Variants in PPIC observed in about 807,000 individuals in gnomAD.
PPIC encodes peptidylprolyl isomerase C, also known as peptidyl-prolyl cis-trans isomerase C.
In PPIC, 19 loss-of-function variants were observed where a neutral mutation model predicts 19.5. The observed-to-expected ratio is 0.98, with a 90% confidence interval of 0.68 to 1.43. The LOEUF is 1.43. PPIC is among the 40% of genes most tolerant of loss of function. PPIC has a pLI of 0.00. For synonymous variants in PPIC, 107 were observed against 101.2 expected (o/e 1.06, Z -0.34); for missense variants, 268 against 268.6 (o/e 1.00, Z 0.02).
In PPIC at chr5:123,036,641, CGGCGCTACCGGCACG is replaced by C. The variant is rs527548492; in HGVS notation, c.-31_-17del. 2.4e-4 allele frequency: 379 copies of C among 1,560,990 alleles called. No homozygotes were observed. The highest frequency in any genetic ancestry group is 1.6e-3 in the East Asian group (67 of 42,690). ...CCGGGCCCATGGTGAGCGGTGGCAG[CGGCGCTACCGGCACG>C]GGCGCTACCGGCACGGGCGCGACAC... is the stretch of plus-strand genomic sequence containing the variant. On this transcript the variant is annotated 5_prime_UTR_variant, in exon 1 of 5. Transcript: ENST00000306442. This position sits in a 1 kb window ranked among gnomAD's most constrained non-coding sequence, Gnocchi z 4.5.
intron 3 of PPIC, among the ~76,000 whole-genome samples, chr5:123,026,512 C>T (rs1762856857): frequency 1.3e-5 from 2 of 152,316 alleles, no homozygotes; most frequent in South Asian, 4.1e-4. Flanking sequence ...CAATGGGAAA[C>T]AGAGGTTACA....
At position 123,025,789 on chromosome 5, in the gene PPIC, C is replaced by T. The variant is rs1343851714; in HGVS notation, c.505G>A (p.Gly169Arg). Residue 169 changes from glycine (G) to arginine (R), a missense_variant, in exon 4 of 5, where the codon GGG becomes AGG. Gly to Arg is a moderately radical substitution (Grantham distance 125, BLOSUM62 -2). Coordinates refer to ENST00000306442, the MANE Select transcript of PPIC (RefSeq NM_000943.5). ...KHVVFGKVID[G>R]MTVVHSIELQ... ...AAAAAAATGTATCAATTTACCATCCCATCAATGACTTTTCCAAACACCACA... is the reference window on the plus strand; with the variant it reads ...AAAAAAATGTATCAATTTACCATCCTATCAATGACTTTTCCAAACACCACA... 4.3e-6 allele frequency: 7 copies of T among 1,612,076 alleles called. No homozygotes were observed. The Admixed American group carries it at 8.4e-5, about 19-fold the overall frequency.
At chr5:123,027,510 G>A (rs1762878410) in intron 3 of PPIC, among the ~76,000 whole-genome samples, 1 of 152,140 alleles carries the variant, frequency 6.6e-6, no homozygotes, top group African/African-American at 2.4e-5. Context: ...AGCGCTGCAG[G>A]GTTTTCCAAT....
chr5:123,026,024 A>G, intron 3 of PPIC, 56 bp from the exon 4 acceptor site: 1 of 1,467,244 alleles, frequency 6.8e-7, no homozygotes, highest in Non-Finnish European at 9.2e-7. Context: ...CAGCTCTTCA[A>G]AGGGAAACAT....
rs1237570528 is a variant in PPIC, at chr5:123,024,361, G to A, written c.511-358C>T. ...TTCCATTCACCTGGTATAAGCCAGCGTAACAGTTAACATGAAGTCTGAGTC... is the reference window on the plus strand; with the variant it reads ...TTCCATTCACCTGGTATAAGCCAGCATAACAGTTAACATGAAGTCTGAGTC... On this transcript the variant is annotated intron_variant, in intron 4 of 4. Transcript: ENST00000306442. Among the ~76,000 whole-genome samples, 13 of 152,126 alleles carry A rather than the reference G, an allele frequency of 8.5e-5. 1 individual carries two copies. Among genetic ancestry groups the A allele is most frequent in the African/African-American group, 2.9e-4 (12 of 41,430 alleles).
At chr5:123,029,104 C>A (rs1167840261) in intron 2 of PPIC, 2 of 984,792 alleles carry the variant, frequency 2.0e-6, no homozygotes, top group East Asian at 2.6e-5. Flanking sequence ...CATATTTTCA[C>A]TTGATGATGA....
rs769974271 is a variant in PPIC, at chr5:123,036,282, G to A, written c.117+227C>T. 6 of 560,612 alleles carry A rather than the reference G, an allele frequency of 1.1e-5. No individual in the cohort carries two copies. The highest frequency in any genetic ancestry group is 1.3e-5 in the Non-Finnish European group (4 of 315,108). The allele number at this position is 560,612 out of a possible 1,614,324, so 34.7% of individuals were successfully genotyped here. On this transcript the variant is annotated intron_variant, in intron 1 of 4. Transcript: ENST00000306442. The surrounding 1 kb of genome is among the most constrained non-coding windows in gnomAD (Gnocchi z 4.5). ...GGGACAAGAAGTCCAAGCAGACTGC[G>A]GCGGAGGTAGGCTGGCCTCAGCCCA... is the stretch of plus-strand genomic sequence containing the variant.
At chr5:123,026,389 T>C (rs1762853852) in intron 3 of PPIC, among the ~76,000 whole-genome samples, 1 of 152,152 alleles carries the variant, frequency 6.6e-6, no homozygotes, top group Non-Finnish European at 1.5e-5. Context: ...CTGTGACTTA[T>C]CCAGGATTGG....
intron 1 of PPIC, 151 bp from the exon 2 acceptor site, chr5:123,029,569 T>C: frequency 7.3e-7 from 1 of 1,366,264 alleles, no homozygotes; most frequent in Non-Finnish European, 9.5e-7. Flanking sequence ...TTAAAGGTAC[T>C]TTAAAACTAT....
chr5:123,033,557 C>G (rs1328172495), intron 1 of PPIC, among the ~76,000 whole-genome samples: 1 of 152,240 alleles, frequency 6.6e-6, no homozygotes, highest in African/African-American at 2.4e-5. Context: ...TTGAATCTTA[C>G]AGCTCATAGC....
intron 1 of PPIC, among the ~76,000 whole-genome samples, chr5:123,032,719 T>C (rs1013472234): frequency 1.3e-5 from 2 of 152,112 alleles, no homozygotes; most frequent in Non-Finnish European, 2.9e-5. Context: ...AACACATATA[T>C]GAATGCTATA....
rs1762814376 is a variant in PPIC, at chr5:123,024,102, G to A, written c.511-99C>T. The A allele has an allele frequency of 4.2e-6, 6 of 1,442,896 alleles. No individual in the cohort carries two copies. In the Admixed American group the frequency reaches 1.4e-4, roughly 33 times the overall value. The allele number at this position is 1,442,896 out of a possible 1,614,324, so 89.4% of individuals were successfully genotyped here. A position where few individuals can be genotyped will look rare whatever the true frequency, so the allele number is the denominator to read the frequency against. On this transcript the variant is annotated intron_variant, in intron 4 of 4. Transcript: ENST00000306442. Reference sequence around the variant, plus strand: ...CAACTCCAAAAGCCCAAGTGGGAAGGAAATAAGGTTGGTTGGTTGGTTGGT... The same window carrying A: ...CAACTCCAAAAGCCCAAGTGGGAAGAAAATAAGGTTGGTTGGTTGGTTGGT...
intron 1 of PPIC, among the ~76,000 whole-genome samples, chr5:123,034,132 G>A (rs1428881359): frequency 3.3e-5 from 5 of 152,190 alleles, no homozygotes; most frequent in Admixed American, 3.3e-4. Context: ...CACTGCTGGG[G>A]AAAACAATAC....
intron 3 of PPIC, 52 bp downstream of exon 3, chr5:123,028,723 A>C: frequency 6.9e-7 from 1 of 1,451,082 alleles, no homozygotes; most frequent in Non-Finnish European, 9.6e-7. Context: ...ATACTGGCTT[A>C]ACCTTAGATT....
At chr5:123,025,406 G>T (rs1762837252) in intron 4 of PPIC, among the ~76,000 whole-genome samples, 1 of 152,156 alleles carries the variant, frequency 6.6e-6, no homozygotes, top group African/African-American at 2.4e-5. Context: ...TATAGTATTT[G>T]TCTTCCTACG....
Position 123,036,382 on chromosome 5 carries a change from G to T in PPIC, c.117+127C>A. On this transcript the variant is annotated intron_variant, in intron 1 of 4. Coordinates refer to ENST00000306442, the MANE Select transcript of PPIC (RefSeq NM_000943.5). This position sits in a 1 kb window ranked among gnomAD's most constrained non-coding sequence, Gnocchi z 4.5. ...CCCCCTCCCACCCAGTCCCGCGGCC[G>T]CCTCCAGTCCCCCTGCGCCCGGGAA... 1.2e-6 allele frequency: 1 copy of T among 804,506 alleles called. No homozygotes were observed. Among genetic ancestry groups the T allele is most frequent in the Non-Finnish European group, 2.0e-6 (1 of 500,038 alleles). The allele number at this position is 804,506 out of a possible 1,614,324, so 49.8% of individuals were successfully genotyped here.
At chr5:123,024,356 CCAGCGTAA>C in intron 4 of PPIC, among the ~76,000 whole-genome samples, 1 of 152,136 alleles carries the variant, frequency 6.6e-6, no homozygotes, top group Non-Finnish European at 1.5e-5. Context: ...CTGGTATAAG[CCAGCGTAA>C]CAGTTAACAT....
intron 1 of PPIC, among the ~76,000 whole-genome samples, chr5:123,030,381 T>G (rs1762926562): frequency 6.6e-6 from 1 of 152,218 alleles, no homozygotes; most frequent in Non-Finnish European, 1.5e-5. Context: ...TTAGCGCGTT[T>G]AGATTATATG....
rs763464935 is a variant in PPIC, at chr5:123,036,496, C to A, written c.117+13G>T. On this transcript the variant is annotated intron_variant, in intron 1 of 4. Coordinates refer to ENST00000306442, the MANE Select transcript of PPIC (RefSeq NM_000943.5). This position sits in a 1 kb window ranked among gnomAD's most constrained non-coding sequence, Gnocchi z 4.5. ...CGCAACAGGGGAAGTTGCAGCCCGC[C>A]GCTCTCGGTCACCTTGGCCGTCACC... 28 of 1,600,944 alleles carry A rather than the reference C, an allele frequency of 1.7e-5. No homozygotes were observed. The highest frequency in any genetic ancestry group is 2.3e-5 in the Non-Finnish European group (27 of 1,173,678).
Sources: gnomAD v4.1 joint callset for allele counts (sites outside exome capture counted in the v4.1 genomes callset) on GRCh38, gnomAD v4.1.1 for gene constraint, Gnocchi (gnomAD v3.1) non-coding constraint, MANE v1.5 for transcripts, NCBI Gene and HGNC (gene_info 2026-07-23, HGNC 2026-07-21) for gene names.